Variants in MDH2 observed in about 807,000 individuals in gnomAD.
The protein encoded by MDH2 is malate dehydrogenase, mitochondrial.
In MDH2, 25 loss-of-function variants were observed where a neutral mutation model predicts 33.6. The ratio of observed to expected loss-of-function variants is 0.74; its 90% CI spans 0.54 to 1.04. The LOEUF (loss-of-function observed/expected upper bound fraction) is 1.04. Among genes scored for constraint, MDH2 ranks in the 50% least tolerant of loss-of-function variants. The pLI, the probability that MDH2 is intolerant of heterozygous loss-of-function variation, is 0.00. For missense variants in MDH2, 432 were observed against 445.0 expected (o/e 0.97, Z 0.26); for synonymous variants, 193 against 188.7 (o/e 1.02, Z -0.19).
intron 2 of MDH2, among the ~76,000 whole-genome samples, 177 bp from the exon 3 acceptor site, chr7:76,057,233 C>T (rs1797811431): frequency 1.3e-5 from 2 of 152,256 alleles, no homozygotes; most frequent in South Asian, 2.1e-4. Context: ...GGGAGGGTTC[C>T]TGCCACGGGA....
chr7:76,063,409 C>A, intron 5 of MDH2, 106 bp from the exon 6 acceptor site: 1 of 1,092,796 alleles, frequency 9.2e-7, no homozygotes, highest in Non-Finnish European at 1.4e-6. Flanking sequence ...TCTGTTCCAC[C>A]CTGAGTTCTG....
chr7:76,051,318 ATTTTTTTT>A (rs11342333), intron 1 of MDH2, among the ~76,000 whole-genome samples: 1 of 129,822 alleles, frequency 7.7e-6, no homozygotes, highest in Non-Finnish European at 1.6e-5. Context: ...CAGACTTTGG[ATTTTTTTT>A]TTTTTTTTTT....
At position 76,065,003 on chromosome 7, in the gene MDH2, C is replaced by T. The variant is rs1446944510; in HGVS notation, c.885+50C>T. 7 of 1,597,720 alleles carry T rather than the reference C, an allele frequency of 4.4e-6. No individual in the cohort carries two copies. The African/African-American group carries it at 9.5e-5, about 22-fold the overall frequency. Reference sequence around the variant, plus strand: ...CTGACTGTGGAATAAGGGGGCGTTCCCTTTGCTTAAGCCTCAGGAGCTCTC... The same window carrying T: ...CTGACTGTGGAATAAGGGGGCGTTCTCTTTGCTTAAGCCTCAGGAGCTCTC... On this transcript the variant is annotated intron_variant, in intron 8 of 8. Coordinates refer to ENST00000315758, the MANE Select transcript of MDH2 (RefSeq NM_005918.4).
Position 76,055,014 on chromosome 7 carries a change from A to T in MDH2, c.235+16A>T. On this transcript the variant is annotated intron_variant, in intron 2 of 8. Transcript: ENST00000315758. The stretch of plus-strand genomic sequence containing the variant: ...GCTGTGAAAGGTACTGGGCGCGCTG[A>T]CCCTGGAGACTTGCTTCCTGTCCCC... 6.3e-7 allele frequency: 1 copy of T among 1,590,508 alleles called. No homozygotes were observed. Among genetic ancestry groups the T allele is most frequent in the Non-Finnish European group, 8.6e-7 (1 of 1,166,744 alleles).
chr7:76,056,432 G>A (rs1290981207), intron 2 of MDH2, among the ~76,000 whole-genome samples: 1 of 152,170 alleles, frequency 6.6e-6, no homozygotes, highest in East Asian at 1.9e-4. Flanking sequence ...TGAGTCTTAA[G>A]TTGGTGTGAA....
intron 6 of MDH2, 21 bp downstream of exon 6, chr7:76,063,613 G>A (rs1563552306): frequency 1.2e-6 from 2 of 1,606,144 alleles, no homozygotes; most frequent in Non-Finnish European, 1.7e-6. Flanking sequence ...ATGACCCTGT[G>A]AGGGGCTTCG....
At chr7:76,050,543 G>A (rs951751618) in intron 1 of MDH2, among the ~76,000 whole-genome samples, 7 of 152,218 alleles carry the variant, frequency 4.6e-5, no homozygotes, top group Admixed American at 3.9e-4. Context: ...AGGCAGTGGA[G>A]GTAACAGAAC....
Position 76,063,583 on chromosome 7 carries a change from G to A in MDH2, c.624G>A (p.Leu208=). 1 of 1,614,186 alleles carries A rather than the reference G, an allele frequency of 6.2e-7. No homozygotes were observed. Residue 208 remains leucine, a synonymous_variant, in exon 6 of 9, where the codon CTG becomes CTA. Transcript: ENST00000315758. The part of the protein sequence containing the change: ...GGHAGKTIIP[L]ISQCTPKVDF... ...ATGCTGGGAAGACCATCATCCCCCT[G>A]ATCTCTCAGGTACACGCATATGACC...
At chr7:76,056,524 C>T (rs181208611) in intron 2 of MDH2, among the ~76,000 whole-genome samples, 1 of 152,250 alleles carries the variant, frequency 6.6e-6, no homozygotes, top group African/African-American at 2.4e-5. Flanking sequence ...TTCTTTTGGG[C>T]TGTATATTCG....
intron 1 of MDH2, among the ~76,000 whole-genome samples, chr7:76,052,724 T>G (rs571892588): frequency 2.0e-5 from 3 of 151,838 alleles, no homozygotes; most frequent in Non-Finnish European, 2.9e-5. Context: ...TTTTTTATTA[T>G]TAGTAGAGAT....
intron 1 of MDH2, among the ~76,000 whole-genome samples, chr7:76,052,657 G>A (rs147193558): frequency 3.3e-5 from 5 of 150,268 alleles, no homozygotes; most frequent in African/African-American, 1.2e-4. Context: ...CGATTCTCCT[G>A]TCTCAGCCTT....
intron 8 of MDH2, among the ~76,000 whole-genome samples, chr7:76,065,334 C>A (rs963604942): frequency 2.0e-5 from 3 of 152,174 alleles, no homozygotes; most frequent in African/African-American, 7.2e-5. Context: ...AATTCCTCTT[C>A]GAGAGTGTGC....
At chr7:76,050,763 C>T (rs148423076) in intron 1 of MDH2, among the ~76,000 whole-genome samples, 5 of 152,160 alleles carry the variant, frequency 3.3e-5, no homozygotes, top group African/African-American at 9.6e-5. Context: ...GAAGGATTTG[C>T]TGATGTGTGA....
At chr7:76,063,834 C>T (rs1166180070) in intron 6 of MDH2, among the ~76,000 whole-genome samples, 2 of 152,196 alleles carry the variant, frequency 1.3e-5, no homozygotes, top group Non-Finnish European at 2.9e-5. Context: ...GGAACCTCAC[C>T]GGGTTACTGG....
At chr7:76,048,989 G>C (rs919202169) in intron 1 of MDH2, 4 of 288,200 alleles carry the variant, frequency 1.4e-5, no homozygotes, top group Middle Eastern at 1.9e-3. Flanking sequence ...TGCGGGGGGG[G>C]GGGGGGGGGT....
intron 1 of MDH2, among the ~76,000 whole-genome samples, chr7:76,054,126 AG>A (rs1489180483): frequency 6.6e-6 from 1 of 152,238 alleles, no homozygotes; most frequent in Non-Finnish European, 1.5e-5. Context: ...TTAGCTCAGC[AG>A]GTGGCTCTGA....
At chr7:76,050,267 T>TGA (rs1797580511) in intron 1 of MDH2, among the ~76,000 whole-genome samples, 1 of 152,208 alleles carries the variant, frequency 6.6e-6, no homozygotes, top group Non-Finnish European at 1.5e-5. Flanking sequence ...TGGCCTTAAG[T>TGA]GATCCACCCT....
In MDH2 at chr7:76,064,405, G is replaced by C; in HGVS notation, c.700G>C (p.Gly234Arg). Residue 234 changes from glycine (G) to arginine (R), a missense_variant, in exon 7 of 9, where the codon GGC becomes CGC. Gly to Arg is a moderately radical substitution (Grantham distance 125). Transcript: ENST00000315758. Reference protein sequence around the residue: ...TALTGRIQEAGTEVVKAKAGA... With the variant: ...TALTGRIQEARTEVVKAKAGA... ...ACTCACTGGGCGGATCCAGGAGGCC[G>C]GCACGGAGGTGGTCAAGGCTAAAGC... 1 of 1,613,614 alleles carries C rather than the reference G, an allele frequency of 6.2e-7. No homozygotes were observed. The highest frequency in any genetic ancestry group is 8.5e-7 in the Non-Finnish European group (1 of 1,179,900).
At chr7:76,055,179 G>A (rs782610233) in intron 2 of MDH2, among the ~76,000 whole-genome samples, 181 bp downstream of exon 2, 1 of 152,056 alleles carries the variant, frequency 6.6e-6, no homozygotes, top group Non-Finnish European at 1.5e-5. Context: ...TTGAAACAGC[G>A]GTGTCTTTTA....
Sources: gnomAD v4.1 joint callset for allele counts (sites outside exome capture counted in the v4.1 genomes callset) on GRCh38, gnomAD v4.1.1 for gene constraint, MANE v1.5 for transcripts, NCBI Gene and HGNC (gene_info 2026-07-23, HGNC 2026-07-21) for gene names.